The following SOX13 variants were observed in gnomAD, a reference collection of about 807,000 sequenced individuals.
The protein encoded by SOX13 is SRY-box transcription factor 13, also known as transcription factor SOX-13.
SOX13 carries 28 observed loss-of-function variants against 71.8 expected under a neutral mutation model. The observed-to-expected ratio is 0.39, with a 90% CI of 0.29 to 0.53. The LOEUF is 0.53. Ranked by LOEUF, SOX13 falls within the 20% of genes least tolerant of loss-of-function variation. SOX13 has a pLI of 0.70. For missense variants in SOX13, 627 were observed against 810.3 expected (o/e 0.77, Z 2.75); for synonymous variants, 309 against 317.8 (o/e 0.97, Z 0.29).
intron 1 of SOX13, among the ~76,000 whole-genome samples, chr1:204,094,595 C>T (rs1430725138): frequency 6.6e-6 from 1 of 152,174 alleles, no homozygotes; most frequent in Non-Finnish European, 1.5e-5. Flanking sequence ...ATCTGTCTCC[C>T]TCTTTGGACA....
intron 1 of SOX13, among the ~76,000 whole-genome samples, chr1:204,108,035 G>T (rs1186421129): frequency 6.6e-6 from 1 of 152,176 alleles, no homozygotes; most frequent in Non-Finnish European, 1.5e-5. Context: ...CTGGCTGGAG[G>T]GACCGTGGAG....
intron 1 of SOX13, among the ~76,000 whole-genome samples, chr1:204,089,168 T>A (rs1017200696): frequency 9.9e-6 from 1 of 100,930 alleles, no homozygotes; most frequent in Non-Finnish European, 2.0e-5. Flanking sequence ...TCTCCAGTGT[T>A]GGGGGAAGAT....
intron 1 of SOX13, among the ~76,000 whole-genome samples, chr1:204,109,346 T>C (rs1423430686): frequency 6.6e-6 from 1 of 152,248 alleles, no homozygotes; most frequent in African/African-American, 2.4e-5. Flanking sequence ...CCAATGTCTC[T>C]GTCAACGACC....
chr1:204,126,111 G>T lies in SOX13; in HGVS notation c.1846G>T (p.Glu616Ter). 1 of 1,613,932 alleles carries T rather than the reference G, an allele frequency of 6.2e-7. No individual in the cohort carries two copies. Among genetic ancestry groups the T allele is most frequent in the Non-Finnish European group, 8.5e-7 (1 of 1,179,842 alleles). ...GGAGGGCGAAGAGAAGAGCGATGGG[G>T]AGTTGGTGGTGCTCACAGACTGATC... The part of the protein sequence containing the change: ...DSEGEEKSDG[E>*]LVVLTD The change falls in exon 14 of 14, where the codon GAG becomes TAG. Residue 616 changes from glutamate (E) to a stop codon, truncating the protein, a stop_gained. Coordinates refer to ENST00000367204, the MANE Select transcript of SOX13 (RefSeq NM_005686.3). LOFTEE classifies it high-confidence loss of function.
In SOX13 at chr1:204,123,284, CT is replaced by C; in HGVS notation, c.1231+77del. ...CCACCAGGGCCAGGGCTGTGTCTGC[CT>C]CTGATCTCTTCCCTCCCTTGGTCTG... On this transcript the variant is annotated intron_variant, in intron 11 of 13. Coordinates refer to ENST00000367204, the MANE Select transcript of SOX13 (RefSeq NM_005686.3). The surrounding 1 kb of genome is among the most constrained non-coding windows in gnomAD (Gnocchi z 5.0). The C allele has an allele frequency of 8.5e-7, 1 of 1,182,624 alleles. No homozygotes were observed. The highest frequency in any genetic ancestry group is 1.2e-5 in the South Asian group (1 of 81,652). The allele number at this position is 1,182,624 out of a possible 1,614,324, so 73.3% of individuals were successfully genotyped here.
chr1:204,083,892 C>T (rs932072048), intron 1 of SOX13, among the ~76,000 whole-genome samples: 2 of 152,080 alleles, frequency 1.3e-5, no homozygotes, highest in Admixed American at 6.5e-5. Flanking sequence ...CAGGATGTTT[C>T]GGGAGCACCC....
At chr1:204,121,876 T>C in intron 7 of SOX13, 24 bp from the exon 8 acceptor site, 1 of 1,571,610 alleles carries the variant, frequency 6.4e-7, no homozygotes, top group South Asian at 1.1e-5. Flanking sequence ...TCCAGGACTT[T>C]TCTCCTTGCT....
intron 1 of SOX13, among the ~76,000 whole-genome samples, chr1:204,095,306 C>T (rs990821880): frequency 6.6e-6 from 1 of 152,180 alleles, no homozygotes; most frequent in East Asian, 1.9e-4. Flanking sequence ...ATCTTCTTGT[C>T]GTCTGGGTCC....
chr1:204,078,763 C>T (rs555553877), intron 1 of SOX13, among the ~76,000 whole-genome samples: 1 of 152,220 alleles, frequency 6.6e-6, no homozygotes, highest in Admixed American at 6.5e-5. Flanking sequence ...TGACTACCCC[C>T]CTTTTGACTG....
At chr1:204,084,990 T>C (rs940171192) in intron 1 of SOX13, among the ~76,000 whole-genome samples, 1 of 152,072 alleles carries the variant, frequency 6.6e-6, no homozygotes, top group African/African-American at 2.4e-5. Flanking sequence ...GGGAAAAGCA[T>C]CTGGAGATTT....
chr1:204,124,495 T>G, intron 12 of SOX13, 146 bp from the exon 13 acceptor site: 1 of 675,960 alleles, frequency 1.5e-6, no homozygotes, highest in Non-Finnish European at 2.6e-6. Context: ...GGAGCACCCG[T>G]ATCGGGCCAG....
rs184555686 is a variant in SOX13, at chr1:204,085,777, A to C, written c.-2+12066A>C. ...GTCACGAGGTCAGGAGATCAAGACC[A>C]TCCTGGCTAACACGGTGAAACCCCG... is the stretch of plus-strand genomic sequence containing the variant. On this transcript the variant is annotated intron_variant, in intron 1 of 13. Transcript: ENST00000367204. Among the ~76,000 whole-genome samples the C allele has an allele frequency of 5.6e-3, 855 of 151,908 alleles. 8 individuals are homozygous for C. The highest frequency in any genetic ancestry group is 0.018 in the African/African-American group (754 of 41,428).
At chr1:204,110,218 C>G (rs1354296584) in intron 1 of SOX13, among the ~76,000 whole-genome samples, 1 of 151,956 alleles carries the variant, frequency 6.6e-6, no homozygotes, top group African/African-American at 2.4e-5. Flanking sequence ...CTTCAAACTG[C>G]TGGCCTCAAG....
At position 204,117,195 on chromosome 1, in the gene SOX13, C is replaced by A. The variant is rs1359273599; in HGVS notation, c.660+5C>A. On this transcript the variant is annotated splice_donor_5th_base_variant and intron_variant, in intron 6 of 13. Transcript: ENST00000367204. ...CTCCTTCAGCAGCAGATCCAGGTAA[C>A]CGGAGGGGAGACCCGGAGAGGCACA... 3 of 1,613,740 alleles carry A rather than the reference C, an allele frequency of 1.9e-6. No individual in the cohort carries two copies. In the East Asian group the frequency reaches 6.7e-5, roughly 36 times the overall value.
intron 1 of SOX13, among the ~76,000 whole-genome samples, chr1:204,099,057 C>G (rs1000104109): frequency 6.6e-6 from 1 of 152,186 alleles, no homozygotes. Context: ...GCAGCACTGG[C>G]CCAGCAGAGG....
intron 4 of SOX13, among the ~76,000 whole-genome samples, chr1:204,115,475 G>GT (rs1230069563): frequency 0.024 from 1,433 of 58,900 alleles, 56 homozygotes; most frequent in African/African-American, 0.08. Context: ...TTCCGATGTT[G>GT]TTTTTTTTTT....
Position 204,081,520 on chromosome 1 carries a change from C to T in SOX13, c.-2+7809C>T, listed in dbSNP as rs1218624023. ...TGAGTGGGCCCCACGGACCCCCTGG[C>T]GGGCTCTGGGGGTGGGGGTTGGGGG... On this transcript the variant is annotated intron_variant, in intron 1 of 13. Coordinates refer to ENST00000367204, the MANE Select transcript of SOX13 (RefSeq NM_005686.3). The surrounding 1 kb of genome is among the most constrained non-coding windows in gnomAD (Gnocchi z 4.3). Among the ~76,000 whole-genome samples the T allele has an allele frequency of 1.3e-5, 2 of 152,186 alleles. No individual in the cohort carries two copies. The highest frequency in any genetic ancestry group is 2.1e-4 in the South Asian group (1 of 4,822).
intron 1 of SOX13, among the ~76,000 whole-genome samples, chr1:204,099,538 G>A (rs962760778): frequency 1.4e-5 from 2 of 142,224 alleles, no homozygotes; most frequent in East Asian, 2.3e-4. Context: ...CCATCCTCCC[G>A]AGTAGCTTGG....
At chr1:204,076,114 GT>G (rs747910884) in intron 1 of SOX13, among the ~76,000 whole-genome samples, 96 of 151,832 alleles carry the variant, frequency 6.3e-4, no homozygotes, top group Admixed American at 1.7e-3. Context: ...CACAACTTTT[GT>G]GAAAGCATTT....
Sources: gnomAD v4.1 joint callset for allele counts (sites outside exome capture counted in the v4.1 genomes callset) on GRCh38, gnomAD v4.1.1 for gene constraint, Gnocchi (gnomAD v3.1) non-coding constraint, MANE v1.5 for transcripts, NCBI Gene and HGNC (gene_info 2026-07-23, HGNC 2026-07-21) for gene names.